The following AMPH variants were observed in gnomAD, a reference collection of about 807,000 sequenced individuals.
AMPH encodes the protein amphiphysin (Stiff-Mann syndrome with breast cancer 128kD autoantigen).
In AMPH, 49 loss-of-function variants were observed where a neutral mutation model predicts 99.1. That is an observed-to-expected ratio of 0.49 (90% CI 0.39 to 0.63). AMPH has a LOEUF of 0.63. AMPH is among the 20% of genes least tolerant of loss of function. AMPH has a pLI of 0.00. For missense variants in AMPH, 759 were observed against 863.4 expected (o/e 0.88, Z 1.52); for synonymous variants, 314 against 317.3 (o/e 0.99, Z 0.11).
intron 2 of AMPH, among the ~76,000 whole-genome samples, chr7:38,524,249 G>T (rs1790079600): frequency 6.6e-6 from 1 of 152,152 alleles, no homozygotes; most frequent in Non-Finnish European, 1.5e-5. Flanking sequence ...GAAGTGTCAA[G>T]ATCATGAAAG....
At chr7:38,533,773 G>A (rs532082941) in intron 2 of AMPH, among the ~76,000 whole-genome samples, 9 of 152,082 alleles carry the variant, frequency 5.9e-5, no homozygotes, top group East Asian at 3.9e-4. Context: ...TTTATAATGC[G>A]CAAACCCCAT....
intron 1 of AMPH, among the ~76,000 whole-genome samples, chr7:38,536,353 C>T (rs1345524246): frequency 6.6e-6 from 1 of 152,058 alleles, no homozygotes; most frequent in East Asian, 1.9e-4. Context: ...TTTCATAGCT[C>T]GTATATTTTC....
chr7:38,494,301 G>A, intron 4 of AMPH, 132 bp downstream of exon 4: 2 of 762,402 alleles, frequency 2.6e-6, no homozygotes, highest in East Asian at 2.6e-5. Context: ...TCAGGCAGCA[G>A]AACTGCACAG....
intron 5 of AMPH, among the ~76,000 whole-genome samples, chr7:38,482,477 A>G (rs1272255888): frequency 6.6e-6 from 1 of 152,142 alleles, no homozygotes; most frequent in East Asian, 1.9e-4. Flanking sequence ...AAGACCAGCC[A>G]ATATAATCTG....
intron 1 of AMPH, among the ~76,000 whole-genome samples, chr7:38,629,712 G>A (rs577760704): frequency 5.9e-5 from 9 of 152,294 alleles, no homozygotes; most frequent in East Asian, 3.9e-4. Context: ...AAGGCAGGAG[G>A]AGGAGTACCT....
intron 1 of AMPH, among the ~76,000 whole-genome samples, chr7:38,550,803 T>C (rs1371188080): frequency 6.6e-6 from 1 of 152,220 alleles, no homozygotes; most frequent in Non-Finnish European, 1.5e-5. Context: ...TGTTTGTAGT[T>C]TAATTTGCAT....
chr7:38,581,117 A>G (rs1792440302), intron 1 of AMPH, among the ~76,000 whole-genome samples: 1 of 152,198 alleles, frequency 6.6e-6, no homozygotes, highest in South Asian at 2.1e-4. Flanking sequence ...CAGACAAAAG[A>G]AATGGCTGTC....
chr7:38,413,775 A>C (rs1031408488), intron 17 of AMPH, among the ~76,000 whole-genome samples: 1 of 152,208 alleles, frequency 6.6e-6, no homozygotes, highest in East Asian at 1.9e-4. Flanking sequence ...AGATCATTCT[A>C]TGTTAATAAG....
chr7:38,436,489 G>A, intron 11 of AMPH, 101 bp from the exon 12 acceptor site: 1 of 870,202 alleles, frequency 1.1e-6, no homozygotes, highest in Non-Finnish European at 1.8e-6. Flanking sequence ...TTATTATTGA[G>A]TATCTCCAAA....
chr7:38,421,962 T>C (rs1318127623), intron 16 of AMPH, among the ~76,000 whole-genome samples: 1 of 152,204 alleles, frequency 6.6e-6, no homozygotes, highest in African/African-American at 2.4e-5. Context: ...TCTCATTTGG[T>C]ATCAAATTAG....
At chr7:38,525,613 T>G (rs1790160001) in intron 2 of AMPH, among the ~76,000 whole-genome samples, 1 of 151,968 alleles carries the variant, frequency 6.6e-6, no homozygotes. Context: ...CAAACCCCCC[T>G]CACTCACTCT....
intron 4 of AMPH, among the ~76,000 whole-genome samples, chr7:38,491,799 G>A (rs896493743): frequency 6.6e-6 from 1 of 152,136 alleles, no homozygotes; most frequent in African/African-American, 2.4e-5. Flanking sequence ...TTATAAAGTT[G>A]ATAAATGACA....
intron 5 of AMPH, among the ~76,000 whole-genome samples, chr7:38,489,307 T>A (rs1788630242): frequency 6.6e-6 from 1 of 152,090 alleles, no homozygotes; most frequent in South Asian, 2.1e-4. Flanking sequence ...AAAATTAAAT[T>A]GGACCTTTAT....
At chr7:38,472,942 C>T (rs7811329) in intron 7 of AMPH, among the ~76,000 whole-genome samples, 37,201 of 152,046 alleles carry the variant, frequency 0.24, 5,224 homozygotes, top group African/African-American at 0.38. Flanking sequence ...CCAAATACAA[C>T]TTAGGAAGGG....
In AMPH at chr7:38,448,623, G is replaced by A. The variant is rs187774586; in HGVS notation, c.1018-12235C>T. On this transcript the variant is annotated intron_variant, in intron 11 of 20. Transcript: ENST00000356264. ...CTCTCTCCAAATATCTTACTGTTAT[G>A]TAGTATTTTTGGATCATGGTTGACC... is the stretch of plus-strand genomic sequence containing the variant. 3.0e-3 allele frequency among the ~76,000 whole-genome samples: 456 copies of A among 152,328 alleles called. 6 individuals carry two copies. The highest frequency in any genetic ancestry group is 0.023 in the Admixed American group (355 of 15,298).
intron 4 of AMPH, among the ~76,000 whole-genome samples, chr7:38,492,136 T>A (rs1469129301): frequency 6.6e-6 from 1 of 152,240 alleles, no homozygotes; most frequent in East Asian, 1.9e-4. Flanking sequence ...GAACCTCCCA[T>A]TTTAGCTCGG....
chr7:38,629,038 G>A (rs1342103820), intron 1 of AMPH, among the ~76,000 whole-genome samples: 1 of 152,108 alleles, frequency 6.6e-6, no homozygotes. Flanking sequence ...AGGGTCTCAG[G>A]GACATATATG....
At chr7:38,509,786 A>C (rs1789469963) in intron 2 of AMPH, among the ~76,000 whole-genome samples, 1 of 152,160 alleles carries the variant, frequency 6.6e-6, no homozygotes, top group Admixed American at 6.5e-5. Flanking sequence ...CGGAGAGCTG[A>C]CCCAAAAATC....
chr7:38,458,547 T>C (rs894773546), intron 11 of AMPH, among the ~76,000 whole-genome samples: 4 of 152,214 alleles, frequency 2.6e-5, no homozygotes, highest in Non-Finnish European at 5.9e-5. Context: ...GATCTAAGGA[T>C]AGTTTAACTT....
Sources: gnomAD v4.1 joint callset for allele counts (sites outside exome capture counted in the v4.1 genomes callset) on GRCh38, gnomAD v4.1.1 for gene constraint, MANE v1.5 for transcripts, NCBI Gene and HGNC (gene_info 2026-07-23, HGNC 2026-07-21) for gene names.